The following RNF175 variants were observed in gnomAD, a reference collection of about 807,000 sequenced individuals.
The protein encoded by RNF175 is ring finger protein 175.
A neutral mutation model predicts 50.0 loss-of-function variants in RNF175; 38 were observed. That is an observed-to-expected ratio of 0.76 (90% CI 0.59 to 1.00). The LOEUF is 1.00. Ranked by LOEUF, RNF175 falls within the 50% of genes least tolerant of loss-of-function variation. The pLI is 0.00. For synonymous variants in RNF175, 155 were observed against 146.1 expected (o/e 1.06, Z -0.44); for missense variants, 388 against 409.6 (o/e 0.95, Z 0.46).
At chr4:153,720,443 T>G in intron 5 of RNF175, 139 bp from the exon 6 acceptor site, 1 of 666,108 alleles carries the variant, frequency 1.5e-6, no homozygotes, top group Non-Finnish European at 2.5e-6. Flanking sequence ...TGATTTTTCT[T>G]TTTTAAATGA....
At chr4:153,747,816 C>A (rs1002384207) in intron 3 of RNF175, among the ~76,000 whole-genome samples, 2 of 152,248 alleles carry the variant, frequency 1.3e-5, no homozygotes, top group African/African-American at 4.8e-5. Context: ...TTCTTCGTAT[C>A]AATTTTCTTT....
intron 1 of RNF175, among the ~76,000 whole-genome samples, chr4:153,755,234 A>G (rs1400226032): frequency 1.3e-5 from 2 of 152,272 alleles, no homozygotes; most frequent in East Asian, 3.8e-4. Context: ...CAGGGAATGA[A>G]TCAATTTAAG....
chr4:153,721,783 C>CA (rs1006673802), intron 5 of RNF175, among the ~76,000 whole-genome samples: 6 of 151,954 alleles, frequency 3.9e-5, no homozygotes, highest in African/African-American at 1.2e-4. Context: ...CCAGTGATTT[C>CA]AAAAAAATCC....
chr4:153,747,139 G>T (rs1323863326), intron 3 of RNF175, among the ~76,000 whole-genome samples: 2 of 152,142 alleles, frequency 1.3e-5, no homozygotes, highest in Non-Finnish European at 2.9e-5. Flanking sequence ...TGCCTTCAGG[G>T]TCATTTTCCT....
In RNF175 at chr4:153,712,404, T is replaced by C. The variant is rs952055838; in HGVS notation, c.866+71A>G. On this transcript the variant is annotated intron_variant, in intron 8 of 8. Coordinates refer to ENST00000347063, the MANE Select transcript of RNF175 (RefSeq NM_173662.4). ...TGGAACTATACAAAAACACTGAAAC[T>C]TTTCATTGAAGAATATATCCCCAGA... 32 of 1,036,570 alleles carry C rather than the reference T, an allele frequency of 3.1e-5. No homozygotes were observed. The African/African-American group carries it at 4.5e-4, about 15-fold the overall frequency. 64.2% of individuals were successfully genotyped at this position (1,036,570 alleles called of 1,614,324 possible).
intron 3 of RNF175, among the ~76,000 whole-genome samples, chr4:153,746,721 C>T (rs1292556655): frequency 1.3e-5 from 2 of 152,238 alleles, no homozygotes; most frequent in African/African-American, 4.8e-5. Context: ...TGAGGACTCT[C>T]TGCTATGGCT....
chr4:153,738,273 C>T (rs548096374), intron 3 of RNF175, among the ~76,000 whole-genome samples: 1 of 152,058 alleles, frequency 6.6e-6, no homozygotes, highest in East Asian at 1.9e-4. Flanking sequence ...TGGTTTTGAA[C>T]TCCTAGGCTC....
chr4:153,712,909 C>T (rs1016654545), intron 7 of RNF175, among the ~76,000 whole-genome samples: 2 of 151,364 alleles, frequency 1.3e-5, no homozygotes, highest in Non-Finnish European at 2.9e-5. Context: ...GTTATATTTC[C>T]CCACCTTGTT....
At chr4:153,758,413 G>A (rs954716700) in intron 1 of RNF175, among the ~76,000 whole-genome samples, 2 of 152,124 alleles carry the variant, frequency 1.3e-5, no homozygotes, top group Non-Finnish European at 2.9e-5. Context: ...GAAAAGCTGT[G>A]AGTCCCTCCT....
chr4:153,717,908 C>T (rs1243611255), intron 6 of RNF175, among the ~76,000 whole-genome samples: 2 of 152,138 alleles, frequency 1.3e-5, no homozygotes, highest in Non-Finnish European at 2.9e-5. Context: ...TTAAGGTTCA[C>T]ACTTTCTATG....
intron 1 of RNF175, among the ~76,000 whole-genome samples, chr4:153,753,024 C>G (rs1740372271): frequency 6.6e-6 from 1 of 152,072 alleles, no homozygotes. Context: ...ACCACTAGAA[C>G]AATAGCAAAA....
At chr4:153,728,389 T>C in intron 3 of RNF175, 28 bp from the exon 4 acceptor site, 1 of 1,607,192 alleles carries the variant, frequency 6.2e-7, no homozygotes, top group Non-Finnish European at 8.5e-7. Flanking sequence ...AGGAAGTATC[T>C]TTCAATGACC....
chr4:153,754,743 T>C (rs1740479586), intron 1 of RNF175, among the ~76,000 whole-genome samples: 1 of 152,024 alleles, frequency 6.6e-6, no homozygotes, highest in South Asian at 2.1e-4. Flanking sequence ...AGACACAGAA[T>C]AGCAAGGCAG....
At chr4:153,745,926 T>C (rs1739946159) in intron 3 of RNF175, among the ~76,000 whole-genome samples, 1 of 152,222 alleles carries the variant, frequency 6.6e-6, no homozygotes, top group Non-Finnish European at 1.5e-5. Flanking sequence ...CACATGAACT[T>C]TGGGGAACAC....
intron 4 of RNF175, among the ~76,000 whole-genome samples, chr4:153,725,012 AGCTGCGTGGGGGAGCGGGCAGGGGTAG>A (rs1344307409): frequency 1.6e-4 from 8 of 50,794 alleles, no homozygotes; most frequent in Admixed American, 2.4e-4. Flanking sequence ...GGCAGGGGTG[AGCTGCGTGGGGGAGCGGGCAGGGGTAG>A]GCTGCGTGGG....
At chr4:153,759,118 C>T (rs1308368268) in intron 1 of RNF175, among the ~76,000 whole-genome samples, 1 of 152,184 alleles carries the variant, frequency 6.6e-6, no homozygotes, top group Admixed American at 6.5e-5. Context: ...ACCCCCAAAT[C>T]CTCCTGGTAC....
chr4:153,750,409 C>G (rs1740222431), intron 2 of RNF175, among the ~76,000 whole-genome samples: 1 of 152,128 alleles, frequency 6.6e-6, no homozygotes, highest in Non-Finnish European at 1.5e-5. Flanking sequence ...AAGGGTGCCC[C>G]CTGCTGGAAA....
chr4:153,751,501 T>A, intron 1 of RNF175, 26 bp from the exon 2 acceptor site: 1 of 1,530,106 alleles, frequency 6.5e-7, no homozygotes, highest in Non-Finnish European at 8.8e-7. Context: ...AGGGCCCTTA[T>A]CAAAAAATGT....
At chr4:153,739,204 T>C (rs780356672) in intron 3 of RNF175, among the ~76,000 whole-genome samples, 11 of 152,278 alleles carry the variant, frequency 7.2e-5, no homozygotes, top group Admixed American at 2.0e-4. Context: ...GGGCGGATCA[T>C]GAGGTCAGGA....
Sources: gnomAD v4.1 joint callset for allele counts (sites outside exome capture counted in the v4.1 genomes callset) on GRCh38, gnomAD v4.1.1 for gene constraint, MANE v1.5 for transcripts, NCBI Gene and HGNC (gene_info 2026-07-23, HGNC 2026-07-21) for gene names.